The following HOOK3 variants were observed in gnomAD, a reference collection of about 807,000 sequenced individuals.
The protein encoded by HOOK3 is protein Hook homolog 3.
A neutral mutation model predicts 116.3 loss-of-function variants in HOOK3; 24 were observed. That is an observed-to-expected ratio of 0.21 (90% CI 0.15 to 0.29). The LOEUF is 0.29. HOOK3 is among the 10% of genes least tolerant of loss of function. The probability of loss-of-function intolerance (pLI) is 1.00; values close to 1 mark genes in which losing one functional copy is unlikely to be tolerated. For missense variants in HOOK3, 632 were observed against 830.2 expected, an observed-to-expected ratio of 0.76 and a Z score of 2.93; for synonymous variants, 275 against 283.0, an observed-to-expected ratio of 0.97 and a Z score of 0.28.
intron 8 of HOOK3, among the ~76,000 whole-genome samples, chr8:42,960,050 G>GT (rs1304061494): frequency 1.3e-5 from 2 of 152,202 alleles, no homozygotes; most frequent in East Asian, 3.8e-4. Flanking sequence ...AAGTCGTAAT[G>GT]TAAGTGCCAT....
chr8:42,926,529 G>A (rs1041482008), intron 3 of HOOK3, among the ~76,000 whole-genome samples: 4 of 152,036 alleles, frequency 2.6e-5, no homozygotes, highest in African/African-American at 9.7e-5. Flanking sequence ...CAGGTGATCT[G>A]CCCACCTTGG....
intron 15 of HOOK3, among the ~76,000 whole-genome samples, chr8:42,990,809 A>G (rs1463563254): frequency 1.3e-5 from 2 of 152,162 alleles, no homozygotes; most frequent in African/African-American, 2.4e-5. Context: ...TTTGCTATGC[A>G]GAAGCTTTTT....
intron 5 of HOOK3, among the ~76,000 whole-genome samples, chr8:42,948,613 C>T (rs1041910299): frequency 3.3e-5 from 5 of 152,174 alleles, no homozygotes; most frequent in African/African-American, 1.2e-4. Context: ...GCCACTGCTT[C>T]TTCTCTTCCA....
chr8:43,022,099 A>AG lies in HOOK3; in HGVS notation c.*3601_*3602insG. The AG allele has an allele frequency of 5.0e-6, 1 of 201,258 alleles. No homozygotes were observed. 12.5% of individuals were successfully genotyped at this position (201,258 alleles called of 1,614,324 possible). Reference sequence around the variant, plus strand: ...ACAGGCTGTTGTAAAAAAAAAAAAAAAAAAAACTTCTGAATATACTTTAGG... The same window carrying AG: ...ACAGGCTGTTGTAAAAAAAAAAAAAAGAAAAAACTTCTGAATATACTTTAGG... On this transcript the variant is annotated 3_prime_UTR_variant, in exon 22 of 22. Coordinates refer to ENST00000307602, the MANE Select transcript of HOOK3 (RefSeq NM_032410.4).
At chr8:42,968,817 C>T (rs1040459544) in intron 11 of HOOK3, among the ~76,000 whole-genome samples, 6 of 152,172 alleles carry the variant, frequency 3.9e-5, no homozygotes, top group African/African-American at 1.4e-4. Context: ...AACATGCTCT[C>T]CCCCTCCTCG....
At chr8:42,963,196 G>C (rs911592413) in intron 8 of HOOK3, among the ~76,000 whole-genome samples, 4 of 152,036 alleles carry the variant, frequency 2.6e-5, no homozygotes, top group African/African-American at 9.7e-5. Context: ...TACAGGTTGA[G>C]TATTCCATAT....
intron 2 of HOOK3, among the ~76,000 whole-genome samples, chr8:42,911,948 C>G (rs1807438713): frequency 6.6e-6 from 1 of 152,036 alleles, no homozygotes. Flanking sequence ...AAGAGGAGTC[C>G]AAACTGGAGA....
chr8:43,002,007 G>T, intron 16 of HOOK3, 100 bp from the exon 17 acceptor site: 2 of 735,942 alleles, frequency 2.7e-6, no homozygotes, highest in Non-Finnish European at 4.6e-6. Flanking sequence ...ATTACTGAAA[G>T]CTCACTCAAA....
At chr8:42,974,287 C>A in intron 13 of HOOK3, 93 bp downstream of exon 13, 1 of 895,418 alleles carries the variant, frequency 1.1e-6, no homozygotes, top group Non-Finnish European at 1.8e-6. Context: ...TGCAATGGCA[C>A]TGTCTTGGCT....
chr8:43,016,349 T>C (rs1159338252), intron 21 of HOOK3, among the ~76,000 whole-genome samples: 1 of 152,098 alleles, frequency 6.6e-6, no homozygotes, highest in Non-Finnish European at 1.5e-5. Flanking sequence ...CTCAATCTCC[T>C]GACTTCATGA....
intron 11 of HOOK3, among the ~76,000 whole-genome samples, 166 bp from the exon 12 acceptor site, chr8:42,973,123 C>T (rs926840936): frequency 9.9e-5 from 15 of 152,274 alleles, no homozygotes; most frequent in South Asian, 8.3e-4. Flanking sequence ...GAATAGTAAC[C>T]GGGCAGGTTT....
intron 17 of HOOK3, among the ~76,000 whole-genome samples, chr8:43,006,960 T>C (rs1809503201): frequency 6.6e-6 from 1 of 151,700 alleles, no homozygotes; most frequent in Non-Finnish European, 1.5e-5. Context: ...CAGTTAATTA[T>C]TTAAATACCT....
At chr8:42,967,060 C>A (rs1408611014) in intron 10 of HOOK3, among the ~76,000 whole-genome samples, 1 of 152,006 alleles carries the variant, frequency 6.6e-6, no homozygotes, top group East Asian at 1.9e-4. Context: ...AGTCTCCTAT[C>A]CTCTGTTGAT....
intron 8 of HOOK3, among the ~76,000 whole-genome samples, chr8:42,960,274 A>G (rs1174265671): frequency 2.0e-5 from 3 of 152,264 alleles, no homozygotes; most frequent in African/African-American, 7.2e-5. Context: ...TCAGGCTTCA[A>G]TGACAGAGTG....
chr8:42,920,437 A>C (rs1219217874), intron 2 of HOOK3, among the ~76,000 whole-genome samples: 1 of 152,222 alleles, frequency 6.6e-6, no homozygotes. Flanking sequence ...TACTATTCTT[A>C]GTATATTTTG....
At chr8:42,940,447 G>A (rs1029823284) in intron 4 of HOOK3, among the ~76,000 whole-genome samples, 15 of 152,350 alleles carry the variant, frequency 9.8e-5, no homozygotes, top group South Asian at 8.3e-4. Flanking sequence ...GTCCAGCCTC[G>A]GCTCGGCATC....
chr8:42,984,376 A>G (rs1809009823), intron 14 of HOOK3, among the ~76,000 whole-genome samples: 1 of 152,088 alleles, frequency 6.6e-6, no homozygotes, highest in South Asian at 2.1e-4. Context: ...CTCAAAAAAA[A>G]AAAAAATAAG....
At chr8:42,978,551 C>A (rs1324648443) in intron 13 of HOOK3, among the ~76,000 whole-genome samples, 3 of 152,098 alleles carry the variant, frequency 2.0e-5, no homozygotes, top group African/African-American at 7.2e-5. Context: ...CCTGGGATTA[C>A]AGGCACCTGC....
chr8:43,015,927 A>T (rs956143197), intron 21 of HOOK3, among the ~76,000 whole-genome samples: 1 of 151,074 alleles, frequency 6.6e-6, no homozygotes, highest in African/African-American at 2.4e-5. Flanking sequence ...CATCTTGGCC[A>T]GGCTGTTCTT....
Sources: allele counts gnomAD v4.1 joint callset (sites outside exome capture counted in the v4.1 genomes callset), GRCh38; gene constraint gnomAD v4.1.1; transcripts MANE v1.5; gene names NCBI Gene and HGNC (gene_info 2026-07-23, HGNC 2026-07-21).